Variants in ZBTB21 observed in about 807,000 individuals in gnomAD.
ZBTB21 encodes zinc finger and BTB domain-containing protein 21.
A neutral mutation model predicts 39.8 loss-of-function variants in ZBTB21; 10 were observed. That is an observed-to-expected ratio of 0.25 (90% CI 0.16 to 0.43). The LOEUF (loss-of-function observed/expected upper bound fraction) is 0.43. Ranked by LOEUF, ZBTB21 falls within the 20% of genes least tolerant of loss-of-function variation. ZBTB21 has a pLI of 1.00. For synonymous variants in ZBTB21, 551 were observed against 498.8 expected (o/e 1.10, Z -1.40); for missense variants, 1,221 against 1,296.3 (o/e 0.94, Z 0.89).
Position 41,993,990 on chromosome 21 carries a change from C to T in ZBTB21, c.106G>A (p.Val36Ile), listed in dbSNP as rs767864423. The T allele has an allele frequency of 5.0e-6, 8 of 1,614,264 alleles. No individual in the cohort carries two copies. Among genetic ancestry groups the T allele is most frequent in the Non-Finnish European group, 6.8e-6 (8 of 1,180,048 alleles). The change falls in exon 3 of 3, where the codon GTT becomes ATT. Residue 36 changes from valine (V) to isoleucine (I), a missense_variant. Around this residue, in one of 4 missense-constraint regions of ZBTB21, gnomAD observed 108 missense variants for 155.0 expected, o/e 0.70. Transcript: ENST00000310826. ...TGAGCTCGGAACTTTTGGTCTCCAA[C>T]AATCAGCAGCACATCACACAGCTGT... ...KGQLCDVLLI[V>I]GDQKFRAHKN...
chr21:41,998,222 C>T (rs1419313232), intron 2 of ZBTB21, among the ~76,000 whole-genome samples: 3 of 149,024 alleles, frequency 2.0e-5, no homozygotes, highest in East Asian at 2.0e-4. Context: ...GACAGGGTCT[C>T]GCTCTGTTGC....
At chr21:42,007,067 T>C (rs1303880176) in intron 1 of ZBTB21, among the ~76,000 whole-genome samples, 3 of 152,376 alleles carry the variant, frequency 2.0e-5, no homozygotes, top group East Asian at 1.9e-4. Flanking sequence ...TCTTATAACG[T>C]GCAAATACCT....
chr21:41,993,333 T>C lies in ZBTB21; in HGVS notation c.763A>G (p.Lys255Glu). The C allele has an allele frequency of 1.2e-6, 2 of 1,613,618 alleles. No individual in the cohort carries two copies. The highest frequency in any genetic ancestry group is 1.7e-6 in the Non-Finnish European group (2 of 1,179,912). ...PLQDREAMDD[K>E]PGVSGQLPKG... ...GGAAGCTGACCACTCACACCTGGTT[T>C]ATCATCCATAGCTTCTCTGTCTTGC... The change falls in exon 3 of 3, where the codon AAA (lysine) becomes GAA (glutamate). Residue 255 changes from lysine (K) to glutamate (E), a missense_variant. By Grantham distance (56) the Lys-to-Glu change is moderately conservative. Around this residue, in one of 4 missense-constraint regions of ZBTB21, gnomAD observed 500 missense variants for 465.6 expected, o/e 1.07. Transcript: ENST00000310826.
chr21:41,995,901 G>A (rs1290230110), intron 2 of ZBTB21, among the ~76,000 whole-genome samples: 3 of 152,264 alleles, frequency 2.0e-5, no homozygotes, highest in African/African-American at 7.2e-5. Context: ...GATGGTGCAA[G>A]CTCCAAGCCT....
chr21:41,997,930 A>C (rs56925375), intron 2 of ZBTB21, among the ~76,000 whole-genome samples: 1 of 151,146 alleles, frequency 6.6e-6, no homozygotes, highest in Non-Finnish European at 1.5e-5. Flanking sequence ...CAGATCCCTC[A>C]CCTGAGTTAG....
chr21:41,995,230 G>C (rs2065730060), intron 2 of ZBTB21, among the ~76,000 whole-genome samples: 1 of 152,240 alleles, frequency 6.6e-6, no homozygotes. Flanking sequence ...CTCAGAAGAA[G>C]ACAGGAAAAT....
intron 1 of ZBTB21, among the ~76,000 whole-genome samples, chr21:42,007,146 A>T (rs1347677020): frequency 1.3e-5 from 2 of 152,220 alleles, no homozygotes; most frequent in Admixed American, 6.5e-5. Context: ...CCCCAAGAGG[A>T]CTGAAAGCTA....
chr21:42,004,627 C>A (rs2065857108), intron 1 of ZBTB21, among the ~76,000 whole-genome samples: 1 of 152,192 alleles, frequency 6.6e-6, no homozygotes, highest in African/African-American at 2.4e-5. Context: ...ACTACCAGTT[C>A]TACAGGAAAA....
rs778439560 is a variant in ZBTB21, at chr21:41,992,528, T to C, written c.1568A>G (p.Asp523Gly). 1.2e-6 allele frequency: 2 copies of C among 1,614,066 alleles called. No individual in the cohort carries two copies. Among genetic ancestry groups the C allele is most frequent in the Non-Finnish European group, 1.7e-6 (2 of 1,180,032 alleles). The change falls in exon 3 of 3, where the codon GAT becomes GGT. Residue 523 changes from aspartate (D) to glycine (G), a missense_variant. Asp to Gly is a moderately conservative substitution (Grantham distance 94). Coordinates refer to ENST00000310826, the MANE Select transcript of ZBTB21 (RefSeq NM_001098402.2). This position sits in a 1 kb window ranked among gnomAD's most constrained non-coding sequence, Gnocchi z 4.1. ...EGSSPTLLDADFPDSDLNKDE... is the reference protein window; with the variant it reads ...EGSSPTLLDAGFPDSDLNKDE... ...TTTATTCAAATCAGAATCTGGAAAA[T>C]CTGCATCAAGGAGAGTAGGGCTTGA... is the stretch of plus-strand genomic sequence containing the variant.
chr21:41,993,333 T>A lies in ZBTB21; in HGVS notation c.763A>T (p.Lys255Ter). Reference sequence around the variant, plus strand: ...GGAAGCTGACCACTCACACCTGGTTTATCATCCATAGCTTCTCTGTCTTGC... The same window carrying A: ...GGAAGCTGACCACTCACACCTGGTTAATCATCCATAGCTTCTCTGTCTTGC... ...PLQDREAMDD[K>*]PGVSGQLPKG... The change falls in exon 3 of 3, where the codon AAA becomes TAA. Residue 255 changes from lysine (K) to a stop codon, truncating the protein, a stop_gained. Coordinates refer to ENST00000310826, the MANE Select transcript of ZBTB21 (RefSeq NM_001098402.2). LOFTEE classifies it high-confidence loss of function. 1 of 1,613,618 alleles carries A rather than the reference T, an allele frequency of 6.2e-7. No individual in the cohort carries two copies. Among genetic ancestry groups the A allele is most frequent in the South Asian group, 1.1e-5 (1 of 91,006 alleles).
rs1372169338 is a variant in ZBTB21 at position 41,990,640 on chromosome 21, AAT to A, written c.*253_*254del. 1.0e-5 allele frequency: 3 copies of A among 290,308 alleles called. No homozygotes were observed. The highest frequency in any genetic ancestry group is 4.8e-5 in the Admixed American group (1 of 21,044). The allele number at this position is 290,308 out of a possible 1,614,324, so 18.0% of individuals were successfully genotyped here. A position where few individuals can be genotyped will look rare whatever the true frequency, so the allele number is the denominator to read the frequency against. ...AGGAACCATGCACACAATCAAGACT[AAT>A]CCAATTTCAACATTAATGAAATCAA... is the stretch of plus-strand genomic sequence containing the variant. On this transcript the variant is annotated 3_prime_UTR_variant, in exon 3 of 3. Transcript: ENST00000310826.
At position 41,993,422 on chromosome 21, in the gene ZBTB21, G is replaced by C. The variant is rs1337900438; in HGVS notation, c.674C>G (p.Ser225Cys). 3.1e-6 allele frequency: 5 copies of C among 1,614,048 alleles called. No homozygotes were observed. The highest frequency in any genetic ancestry group is 1.1e-5 in the South Asian group (1 of 91,084). The change falls in exon 3 of 3, where the codon TCT becomes TGT. Residue 225 changes from serine (S) to cysteine (C), a missense_variant. By Grantham distance (112) the Ser-to-Cys change is moderately radical. Transcript: ENST00000310826. ...ACTGATTCTATTAGGATCATCCAAAGATCCAGAATGCTCAAGAGACTTTGC... is the reference window on the plus strand; with the variant it reads ...ACTGATTCTATTAGGATCATCCAAACATCCAGAATGCTCAAGAGACTTTGC... ...VYAKSLEHSG[S>C]LDDPNRISLV...
chr21:42,009,254 G>C (rs1326290050), intron 1 of ZBTB21: 1 of 152,208 alleles, frequency 6.6e-6, no homozygotes, highest in Non-Finnish European at 1.5e-5. Context: ...GAATTCTCCC[G>C]AACCGCAGAG....
chr21:41,993,395 A>G lies in ZBTB21; in HGVS notation c.701T>C (p.Leu234Ser), dbSNP rs1022743019. 14 of 1,614,198 alleles carry G rather than the reference A, an allele frequency of 8.7e-6. No individual in the cohort carries two copies. Among genetic ancestry groups the G allele is most frequent in the Non-Finnish European group, 1.1e-5 (13 of 1,180,038 alleles). ...AGGCAACACTGCATTTCTTTTCACCAAACTGATTCTATTAGGATCATCCAA... is the reference window on the plus strand; with the variant it reads ...AGGCAACACTGCATTTCTTTTCACCGAACTGATTCTATTAGGATCATCCAA... ...GSLDDPNRIS[L>S]VKRNAVLPSK... Residue 234 changes from leucine to serine, a missense_variant, in exon 3 of 3, where the codon TTG becomes TCG. By Grantham distance (145) the Leu-to-Ser change is moderately radical. Around this residue, in one of 4 missense-constraint regions of ZBTB21, gnomAD observed 500 missense variants for 465.6 expected, o/e 1.07. Transcript: ENST00000310826.
rs2065625361 is a variant in ZBTB21 at position 41,989,698 on chromosome 21, A to T, written c.*1197T>A. 1 of 152,194 alleles carries T rather than the reference A, an allele frequency of 6.6e-6. No individual in the cohort carries two copies. Among genetic ancestry groups the T allele is most frequent in the Non-Finnish European group, 1.5e-5 (1 of 67,998 alleles). 9.4% of individuals were successfully genotyped at this position (152,194 alleles called of 1,614,324 possible). On this transcript the variant is annotated 3_prime_UTR_variant, in exon 3 of 3. Transcript: ENST00000310826. ...TCTAATACCTATTTTTGAAATATTA[A>T]GCAATGATGTAGAGAATGGCCTTGC...
chr21:42,008,437 G>A (rs1019005387), intron 1 of ZBTB21, among the ~76,000 whole-genome samples: 2 of 145,656 alleles, frequency 1.4e-5, no homozygotes, highest in African/African-American at 2.5e-5. Context: ...AGAATCGCTT[G>A]AACCAGGGAG....
At chr21:41,998,821 G>A (rs998658098) in intron 2 of ZBTB21, among the ~76,000 whole-genome samples, 1 of 152,206 alleles carries the variant, frequency 6.6e-6, no homozygotes, top group African/African-American at 2.4e-5. Context: ...TGCTTCTAGA[G>A]ATGATGCCTT....
At position 41,991,627 on chromosome 21, in the gene ZBTB21, A is replaced by G; in HGVS notation, c.2469T>C (p.Ser823=). Reference sequence around the variant, plus strand: ...GCTCAGGCTGGGATTGGGGCCTTGAAGAACCAGTCACATCACCATTGTGGT... The same window carrying G: ...GCTCAGGCTGGGATTGGGGCCTTGAGGAACCAGTCACATCACCATTGTGGT... The part of the protein sequence containing the change: ...VLDHNGDVTG[S]SRPQSQPEPN... The change falls in exon 3 of 3, where the codon TCT becomes TCC. Residue 823 remains serine, a synonymous_variant. Coordinates refer to ENST00000310826, the MANE Select transcript of ZBTB21 (RefSeq NM_001098402.2). The surrounding 1 kb of genome is among the most constrained non-coding windows in gnomAD (Gnocchi z 4.9). 3 of 1,614,190 alleles carry G rather than the reference A, an allele frequency of 1.9e-6. No homozygotes were observed. Among genetic ancestry groups the G allele is most frequent in the Non-Finnish European group, 2.5e-6 (3 of 1,180,030 alleles).
rs1601638771 is a variant in ZBTB21 at position 41,994,125 on chromosome 21, A to G, written c.-13-17T>C. Reference sequence around the variant, plus strand: ...TGAGTTTATCTAAAAGACAAAATGTAAAATTACTACAGATATTGCAGTGAA... The same window carrying G: ...TGAGTTTATCTAAAAGACAAAATGTGAAATTACTACAGATATTGCAGTGAA... On this transcript the variant is annotated splice_polypyrimidine_tract_variant and intron_variant, in intron 2 of 2. Transcript: ENST00000310826. 2 of 1,540,110 alleles carry G rather than the reference A, an allele frequency of 1.3e-6. No homozygotes were observed. Among genetic ancestry groups the G allele is most frequent in the Admixed American group, 4.4e-5 (2 of 45,768 alleles).
Sources: gnomAD v4.1 joint callset for allele counts (sites outside exome capture counted in the v4.1 genomes callset) on GRCh38, gnomAD v4.1.1 for gene constraint, gnomAD v4.1.1 regional missense constraint, Gnocchi (gnomAD v3.1) non-coding constraint, MANE v1.5 for transcripts, NCBI Gene and HGNC (gene_info 2026-07-23, HGNC 2026-07-21) for gene names.